PRKG1: variants seen among roughly 807,000 people sequenced by gnomAD.
PRKG1 encodes the protein cGMP-dependent protein kinase 1.
Under a neutral mutation model 88.1 loss-of-function variants are expected in PRKG1, and 35 were observed. The ratio of observed to expected loss-of-function variants is 0.40; its 90% CI spans 0.30 to 0.53. The LOEUF (loss-of-function observed/expected upper bound fraction) is 0.53. PRKG1 is among the 20% of genes least tolerant of loss of function. The pLI is 0.59. For synonymous variants in PRKG1, 303 were observed against 292.5 expected, an observed-to-expected ratio of 1.04 and a Z score of -0.37; for missense variants, 540 against 839.8, an observed-to-expected ratio of 0.64 and a Z score of 4.41.
chr10:52,133,644 T>C (rs183827996), intron 7 of PRKG1, among the ~76,000 whole-genome samples, 196 bp from the exon 8 acceptor site: 1 of 152,246 alleles, frequency 6.6e-6, no homozygotes, highest in African/African-American at 2.4e-5. Flanking sequence ...ATTGTAACTG[T>C]AGGATTTGTA....
intron 3 of PRKG1, among the ~76,000 whole-genome samples, chr10:51,693,409 T>C (rs2132396137): frequency 7.8e-6 from 1 of 127,748 alleles, no homozygotes; most frequent in East Asian, 2.2e-4. Flanking sequence ...ATTTTTAAAT[T>C]CATTTTATTT....
intron 2 of PRKG1, among the ~76,000 whole-genome samples, chr10:51,224,733 T>C (rs539810621): frequency 1.3e-5 from 2 of 152,340 alleles, no homozygotes; most frequent in East Asian, 3.9e-4. Context: ...ACGAGCTTGC[T>C]TGTCACTGAA....
intron 2 of PRKG1, among the ~76,000 whole-genome samples, chr10:51,373,958 A>G (rs578144619): frequency 4.0e-5 from 6 of 151,570 alleles, no homozygotes; most frequent in Non-Finnish European, 8.8e-5. Context: ...CCTGGCTAAC[A>G]TGGTGAAACC....
intron 2 of PRKG1, among the ~76,000 whole-genome samples, chr10:51,436,861 C>T (rs1260059606): frequency 6.6e-6 from 1 of 151,968 alleles, no homozygotes. Flanking sequence ...TTCTCTTATC[C>T]CTATTACTCA....
chr10:51,671,023 C>T (rs1405712977), intron 3 of PRKG1, among the ~76,000 whole-genome samples: 4 of 151,886 alleles, frequency 2.6e-5, no homozygotes, highest in African/African-American at 9.7e-5. Flanking sequence ...TATTTTGTCA[C>T]CATTTTATCT....
intron 4 of PRKG1, among the ~76,000 whole-genome samples, chr10:51,859,169 G>T (rs532749817): frequency 6.6e-6 from 1 of 152,144 alleles, no homozygotes; most frequent in Non-Finnish European, 1.5e-5. Flanking sequence ...TTAAATTGGC[G>T]TTCAAATGTG....
intron 7 of PRKG1, among the ~76,000 whole-genome samples, chr10:52,133,283 T>A (rs1837314868): frequency 6.6e-6 from 1 of 152,160 alleles, no homozygotes; most frequent in Non-Finnish European, 1.5e-5. Context: ...TCAGTGTGAC[T>A]TAAGATTTGT....
At chr10:52,081,216 A>T (rs1183575888) in intron 7 of PRKG1, among the ~76,000 whole-genome samples, 1 of 152,208 alleles carries the variant, frequency 6.6e-6, no homozygotes, top group African/African-American at 2.4e-5. Flanking sequence ...TGGTACAATA[A>T]AAAATACTGG....
rs761142394 is a variant in PRKG1, at chr10:51,468,738, A to T, written c.592+902A>T. ...TAAAAAAAATGCTATTGGCAAAATGACAAGTACATTGTGAATTTCAATTAG... is the reference window on the plus strand; with the variant it reads ...TAAAAAAAATGCTATTGGCAAAATGTCAAGTACATTGTGAATTTCAATTAG... On this transcript the variant is annotated intron_variant, in intron 3 of 17. Coordinates refer to ENST00000373980, the MANE Select transcript of PRKG1 (RefSeq NM_006258.4). Among the ~76,000 whole-genome samples, 8 of 152,014 alleles carry T rather than the reference A, an allele frequency of 5.3e-5. No individual in the cohort carries two copies. In the South Asian group the frequency reaches 8.3e-4, roughly 16 times the overall value.
intron 4 of PRKG1, among the ~76,000 whole-genome samples, chr10:51,857,984 G>A (rs1840725583): frequency 6.8e-6 from 1 of 146,132 alleles, no homozygotes; most frequent in South Asian, 2.1e-4. Context: ...TTTTAACACT[G>A]GTCCGCATTA....
At chr10:51,861,858 G>A (rs947442587) in intron 4 of PRKG1, among the ~76,000 whole-genome samples, 1 of 152,182 alleles carries the variant, frequency 6.6e-6, no homozygotes, top group Non-Finnish European at 1.5e-5. Flanking sequence ...GCCTCTGCCT[G>A]GGTTTTGCTC....
intron 3 of PRKG1, among the ~76,000 whole-genome samples, chr10:51,706,319 C>G (rs539258601): frequency 1.3e-5 from 2 of 152,296 alleles, no homozygotes; most frequent in South Asian, 4.1e-4. Context: ...GCTCCACCTG[C>G]GCTGGCCTTC....
At chr10:51,217,427 T>C (rs1390505805) in intron 2 of PRKG1, among the ~76,000 whole-genome samples, 1 of 152,074 alleles carries the variant, frequency 6.6e-6, no homozygotes, top group Non-Finnish European at 1.5e-5. Flanking sequence ...TATCACCATC[T>C]CTCTTTTAAT....
At chr10:51,416,920 T>C (rs1453948672) in intron 2 of PRKG1, among the ~76,000 whole-genome samples, 1 of 152,162 alleles carries the variant, frequency 6.6e-6, no homozygotes, top group East Asian at 1.9e-4. Flanking sequence ...TCCGAAAAGA[T>C]AGTTCTATTT....
intron 3 of PRKG1, among the ~76,000 whole-genome samples, chr10:51,717,764 G>A (rs773689473): frequency 7.3e-5 from 11 of 151,678 alleles, no homozygotes; most frequent in Non-Finnish European, 1.0e-4. Context: ...CCCGGGAGGC[G>A]GAGCTTCCAC....
chr10:51,580,789 G>C (rs565878135), intron 3 of PRKG1, among the ~76,000 whole-genome samples: 31 of 152,078 alleles, frequency 2.0e-4, no homozygotes, highest in African/African-American at 6.7e-4. Flanking sequence ...CATGTCTTTA[G>C]CTTTTTTATT....
At chr10:51,683,541 G>A (rs1170631349) in intron 3 of PRKG1, among the ~76,000 whole-genome samples, 1 of 152,202 alleles carries the variant, frequency 6.6e-6, no homozygotes, top group Non-Finnish European at 1.5e-5. Context: ...CCTCAAATCT[G>A]TCTTCCTGCC....
chr10:51,919,779 C>T (rs1413802913), intron 5 of PRKG1, among the ~76,000 whole-genome samples: 5 of 152,008 alleles, frequency 3.3e-5, no homozygotes, highest in African/African-American at 7.2e-5. Flanking sequence ...CATGCTTGAT[C>T]CTATATTGCC....
intron 2 of PRKG1, among the ~76,000 whole-genome samples, chr10:51,286,085 C>A (rs1840433986): frequency 6.6e-6 from 1 of 152,206 alleles, no homozygotes. Flanking sequence ...ATTCTTGGAT[C>A]TCAGCCACCC....
Sources: allele counts gnomAD v4.1 joint callset (sites outside exome capture counted in the v4.1 genomes callset), GRCh38; gene constraint gnomAD v4.1.1; transcripts MANE v1.5; gene names NCBI Gene and HGNC (gene_info 2026-07-23, HGNC 2026-07-21).